Variants in RGL1 observed in about 807,000 individuals in gnomAD.
RGL1 encodes the protein ral guanine nucleotide dissociation stimulator like 1.
A neutral mutation model predicts 95.2 loss-of-function variants in RGL1; 24 were observed. The observed-to-expected ratio is 0.25, with a 90% CI of 0.18 to 0.35. The LOEUF (loss-of-function observed/expected upper bound fraction) is 0.35. RGL1 is among the 10% of genes least tolerant of loss of function. The probability of loss-of-function intolerance (pLI) is 1.00; values close to 1 mark genes in which losing one functional copy is unlikely to be tolerated. For missense variants in RGL1, 715 were observed against 936.3 expected (o/e 0.76, Z 3.08); for synonymous variants, 329 against 344.9 (o/e 0.95, Z 0.51).
Position 183,706,376 on chromosome 1 carries a change from A to G in RGL1, c.-32-35750A>G, listed in dbSNP as rs944559016. ...GTAGGTTGCCCTGGTATTAATTAAA[A>G]AACATACTGGCCTACCTGCCACCAT... On this transcript the variant is annotated intron_variant, in intron 1 of 18. Coordinates refer to the RGL1 transcript ENST00000304685. Among the ~76,000 whole-genome samples, 11 of 152,312 alleles carry G rather than the reference A, an allele frequency of 7.2e-5. No individual in the cohort carries two copies. The East Asian group carries it at 1.7e-3, about 24-fold the overall frequency.
At chr1:183,690,128 A>AGCCTTG (rs1653853497) in intron 1 of RGL1, among the ~76,000 whole-genome samples, 1 of 152,330 alleles carries the variant, frequency 6.6e-6, no homozygotes, top group Admixed American at 6.5e-5. Flanking sequence ...TGAAGTGGCA[A>AGCCTTG]GCCTTGGGCT....
intron 2 of RGL1, among the ~76,000 whole-genome samples, chr1:183,759,723 T>C (rs1658553536): frequency 6.6e-6 from 1 of 152,242 alleles, no homozygotes; most frequent in Non-Finnish European, 1.5e-5. Flanking sequence ...TGGCCCTTGT[T>C]GCCAGTCTCA....
At chr1:183,835,024 G>T (rs527689498) in intron 2 of RGL1, among the ~76,000 whole-genome samples, 1 of 151,990 alleles carries the variant, frequency 6.6e-6, no homozygotes, top group Non-Finnish European at 1.5e-5. Flanking sequence ...TACCAAGAGC[G>T]GGTCACAAGC....
intron 4 of RGL1, among the ~76,000 whole-genome samples, chr1:183,879,882 A>G (rs1666725005): frequency 6.6e-6 from 1 of 152,204 alleles, no homozygotes; most frequent in African/African-American, 2.4e-5. Context: ...GCACATACAA[A>G]TGACCCTGTC....
At chr1:183,650,156 A>G (rs1650614274) in intron 1 of RGL1, among the ~76,000 whole-genome samples, 1 of 152,178 alleles carries the variant, frequency 6.6e-6, no homozygotes, top group African/African-American at 2.4e-5. Context: ...TCTTTTTGCT[A>G]TATGTGTATG....
intron 3 of RGL1, among the ~76,000 whole-genome samples, chr1:183,858,733 G>T (rs1287129917): frequency 6.6e-6 from 1 of 151,978 alleles, no homozygotes; most frequent in Non-Finnish European, 1.5e-5. Flanking sequence ...ATGCTGTCAG[G>T]CCCCTAGTCC....
chr1:183,817,280 C>T (rs953555953), intron 2 of RGL1, among the ~76,000 whole-genome samples: 2 of 152,204 alleles, frequency 1.3e-5, no homozygotes, highest in African/African-American at 4.8e-5. Context: ...AGTCCTGTTG[C>T]TGCTTTCTAT....
intron 1 of RGL1, among the ~76,000 whole-genome samples, chr1:183,698,249 G>A (rs964047552): frequency 2.0e-5 from 3 of 152,186 alleles, no homozygotes; most frequent in South Asian, 2.1e-4. Context: ...CAGCCCTTGC[G>A]TTCTGTAACA....
chr1:183,866,120 A>G, intron 4 of RGL1, 47 bp downstream of exon 4: 1 of 1,441,504 alleles, frequency 6.9e-7, no homozygotes, highest in Non-Finnish European at 9.8e-7. Context: ...TCAAGACAAT[A>G]TCTTAAAGTA....
At chr1:183,763,382 T>A (rs1393222654) in intron 2 of RGL1, among the ~76,000 whole-genome samples, 1 of 151,992 alleles carries the variant, frequency 6.6e-6, no homozygotes, top group Admixed American at 6.6e-5. Flanking sequence ...GAACTTAAAA[T>A]ATATATATAT....
At chr1:183,849,482 AGTTTTTTTTTTTT>A (rs1445925515) in intron 3 of RGL1, among the ~76,000 whole-genome samples, 1 of 99,360 alleles carries the variant, frequency 1.0e-5, no homozygotes, top group Admixed American at 1.4e-4. Flanking sequence ...TCCAGTTTTT[AGTTTTTTTTTTTT>A]TTTTTTTTTT....
chr1:183,729,756 T>C (rs1656520760), intron 1 of RGL1, among the ~76,000 whole-genome samples: 1 of 152,140 alleles, frequency 6.6e-6, no homozygotes. Flanking sequence ...ATAAATAAAA[T>C]GTTTAACAAT....
At chr1:183,920,954 T>TTCTG (rs1443970721) in intron 16 of RGL1, among the ~76,000 whole-genome samples, 15 of 152,188 alleles carry the variant, frequency 9.9e-5, no homozygotes, top group Non-Finnish European at 1.9e-4. Flanking sequence ...GAAATGAGAC[T>TTCTG]TCTGTATGTG....
chr1:183,840,601 G>A (rs954258087), intron 2 of RGL1, among the ~76,000 whole-genome samples: 2 of 152,060 alleles, frequency 1.3e-5, no homozygotes, highest in Non-Finnish European at 2.9e-5. Flanking sequence ...GGTGGCTCAT[G>A]CCTGTAATGC....
intron 2 of RGL1, among the ~76,000 whole-genome samples, chr1:183,761,067 G>A (rs1256950740): frequency 6.6e-6 from 1 of 152,116 alleles, no homozygotes; most frequent in Non-Finnish European, 1.5e-5. Flanking sequence ...ACCCCTCAAA[G>A]TCATTCATGA....
chr1:183,676,602 C>G (rs1037894330), intron 1 of RGL1, among the ~76,000 whole-genome samples: 2 of 151,312 alleles, frequency 1.3e-5, no homozygotes, highest in Admixed American at 6.6e-5. Context: ...GTAGAACTAC[C>G]CTGTTCTTGG....
At chr1:183,692,786 A>G (rs983330426) in intron 1 of RGL1, among the ~76,000 whole-genome samples, 21 of 152,120 alleles carry the variant, frequency 1.4e-4, no homozygotes, top group African/African-American at 5.1e-4. Flanking sequence ...ATAAAGGGGT[A>G]GCAACAGGAA....
chr1:183,877,091 C>T (rs891721275), intron 4 of RGL1, among the ~76,000 whole-genome samples: 2 of 152,306 alleles, frequency 1.3e-5, no homozygotes, highest in African/African-American at 4.8e-5. Context: ...CTGACCTATC[C>T]AGGCTTCCTT....
chr1:183,738,249 G>A (rs1233539296), intron 1 of RGL1, among the ~76,000 whole-genome samples: 6 of 151,980 alleles, frequency 3.9e-5, no homozygotes, highest in South Asian at 2.1e-4. Flanking sequence ...GCGAAACCCC[G>A]TCTCTACTAA....
Sources: gnomAD v4.1 joint callset for allele counts (sites outside exome capture counted in the v4.1 genomes callset) on GRCh38, gnomAD v4.1.1 for gene constraint, MANE v1.5 for transcripts, NCBI Gene and HGNC (gene_info 2026-07-23, HGNC 2026-07-21) for gene names.